Variants in ZIM2 observed in about 807,000 individuals in gnomAD.
ZIM2 encodes zinc finger protein 656.
In ZIM2, 14 loss-of-function variants were observed where a neutral mutation model predicts 38.6. That is an observed-to-expected ratio of 0.36 (90% CI 0.24 to 0.57). The LOEUF (loss-of-function observed/expected upper bound fraction) is 0.57, where lower values mean the gene tolerates loss of function less well. ZIM2 is among the 20% of genes least tolerant of loss of function. ZIM2 has a pLI of 0.81. For synonymous variants in ZIM2, 247 were observed against 245.8 expected (o/e 1.00, Z -0.04); for missense variants, 680 against 695.1 (o/e 0.98, Z 0.24).
chr19:56,815,336 A>G, intron 9 of ZIM2: 1 of 1,614,156 alleles, frequency 6.2e-7, no homozygotes. Flanking sequence ...AATTGTCTGA[A>G]GTCCTTACAT....
At chr19:56,794,022 A>T (rs1280722154) in intron 9 of ZIM2, among the ~76,000 whole-genome samples, 1 of 152,186 alleles carries the variant, frequency 6.6e-6, no homozygotes, top group Non-Finnish European at 1.5e-5. Flanking sequence ...TGAGCTACAC[A>T]TTTGTGGTTT....
intron 4 of ZIM2, among the ~76,000 whole-genome samples, chr19:56,823,940 C>T (rs1362841578): frequency 6.6e-6 from 1 of 152,086 alleles, no homozygotes; most frequent in Non-Finnish European, 1.5e-5. Flanking sequence ...CCTAGCACAC[C>T]ACACCAAAAA....
At chr19:56,778,245 C>T (rs1032092885) in intron 12 of ZIM2, among the ~76,000 whole-genome samples, 1 of 152,272 alleles carries the variant, frequency 6.6e-6, no homozygotes, top group East Asian at 1.9e-4. Flanking sequence ...ATCTGGCCCA[C>T]CACAGAAGCC....
At chr19:56,792,685 G>GTTGAAAAAC in intron 9 of ZIM2, among the ~76,000 whole-genome samples, 1 of 152,008 alleles carries the variant, frequency 6.6e-6, no homozygotes, top group Non-Finnish European at 1.5e-5. Context: ...GAGGGCAAAG[G>GTTGAAAAAC]TTGAAAAACT....
chr19:56,811,842 T>C, intron 9 of ZIM2: 3 of 985,580 alleles, frequency 3.0e-6, no homozygotes, highest in Non-Finnish European at 3.6e-6. Context: ...AAACCTGGCC[T>C]TCTACAGTTC....
chr19:56,819,953 C>CA (rs1269065515), intron 7 of ZIM2, among the ~76,000 whole-genome samples: 1 of 152,052 alleles, frequency 6.6e-6, no homozygotes, highest in Non-Finnish European at 1.5e-5. Context: ...TGTCCTGCCA[C>CA]AAAAAAGCAG....
rs772779692 is a variant in ZIM2, at chr19:56,814,329, G to GGCTGCTGCT, written c.490+3408_490+3416dup. The GGCTGCTGCT allele has an allele frequency of 3.7e-6, 6 of 1,613,734 alleles. No homozygotes were observed. The South Asian group carries it at 5.5e-5, about 15-fold the overall frequency. The stretch of plus-strand genomic sequence containing the variant: ...CATGGACATTGGCTTCAACTTCCTG[G>GGCTGCTGCT]GCTGCTGCTGCTGCAGCTGCTGCTG... On this transcript the variant is annotated intron_variant, in intron 9 of 12. Coordinates refer to ENST00000629319, the MANE Select transcript of ZIM2 (RefSeq NM_001387356.1). The surrounding 1 kb of genome is among the most constrained non-coding windows in gnomAD (Gnocchi z 5.8).
At chr19:56,779,352 C>T (rs758647799) in intron 12 of ZIM2, 25 bp downstream of exon 12, 73 of 1,611,326 alleles carry the variant, frequency 4.5e-5, no homozygotes, top group Non-Finnish European at 5.7e-5. Flanking sequence ...CCTCCTACAC[C>T]CCGGGCTTCC....
rs1440940813 is a variant in ZIM2, at chr19:56,817,056, A to G, written c.490+690T>C. The G allele has an allele frequency of 2.5e-6, 4 of 1,614,034 alleles. No homozygotes were observed. The African/African-American group carries it at 5.3e-5, about 22-fold the overall frequency. On this transcript the variant is annotated intron_variant, in intron 9 of 12. Transcript: ENST00000629319. ...GGTGCTCAACAAATTCTGAGATGAC[A>G]CTGAACGACCTCCCACACTCATCAC...
In ZIM2 at chr19:56,824,272, G is replaced by A. The variant is rs371100259; in HGVS notation, c.6C>T (p.Tyr2=). 55 of 1,613,854 alleles carry A rather than the reference G, an allele frequency of 3.4e-5. No individual in the cohort carries two copies. The African/African-American group carries it at 6.8e-4, about 20-fold the overall frequency. Reference sequence around the variant, plus strand: ...CGTGGAGACTCTCACCTTCTGGTTGGTACATCTCCTTGTAATTCTCCAGCA... The same window carrying A: ...CGTGGAGACTCTCACCTTCTGGTTGATACATCTCCTTGTAATTCTCCAGCA... M[Y]QPEDDNNSDV... The change falls in exon 4 of 13, where the codon TAC becomes TAT. Residue 2 remains tyrosine, a synonymous_variant. Coordinates refer to ENST00000629319, the MANE Select transcript of ZIM2 (RefSeq NM_001387356.1).
chr19:56,823,646 T>G lies in ZIM2; in HGVS notation c.50A>C (p.Asp17Ala). 1 of 1,614,150 alleles carries G rather than the reference T, an allele frequency of 6.2e-7. No individual in the cohort carries two copies. The highest frequency in any genetic ancestry group is 8.5e-7 in the Non-Finnish European group (1 of 1,180,026). Reference sequence around the variant, plus strand: ...GGACTCTCTTCTGTTCCGGGTCATGTCGTCGTCGCTGGTCACGTCACTGTT... The same window carrying G: ...GGACTCTCTTCTGTTCCGGGTCATGGCGTCGTCGCTGGTCACGTCACTGTT... ...DNNSDVTSDDDMTRNRRESSP... is the reference protein window; with the variant it reads ...DNNSDVTSDDAMTRNRRESSP... Residue 17 changes from aspartate to alanine, a missense_variant, in exon 5 of 13, where the codon GAC (aspartate) becomes GCC (alanine). Coordinates refer to ENST00000629319, the MANE Select transcript of ZIM2 (RefSeq NM_001387356.1).
chr19:56,807,600 G>C (rs1196586301), intron 9 of ZIM2, among the ~76,000 whole-genome samples: 2 of 152,088 alleles, frequency 1.3e-5, no homozygotes, highest in Non-Finnish European at 2.9e-5. Flanking sequence ...CTTGAGCCCT[G>C]GGCACCATAT....
intron 2 of ZIM2, among the ~76,000 whole-genome samples, chr19:56,830,382 A>G (rs527473278): frequency 1.3e-5 from 2 of 152,368 alleles, no homozygotes; most frequent in African/African-American, 4.8e-5. Flanking sequence ...TTTCAAGTTA[A>G]AAAACATTTG....
intron 9 of ZIM2, among the ~76,000 whole-genome samples, chr19:56,800,678 G>T (rs2047476610): frequency 1.3e-5 from 2 of 152,004 alleles, no homozygotes; most frequent in Non-Finnish European, 2.9e-5. Flanking sequence ...TTTTATATAA[G>T]AAAAGGATTT....
intron 9 of ZIM2, among the ~76,000 whole-genome samples, chr19:56,795,790 G>A (rs1184094309): frequency 1.3e-5 from 2 of 152,166 alleles, no homozygotes; most frequent in Admixed American, 6.5e-5. Context: ...ACAGTGAGCC[G>A]AGATCGCGCC....
chr19:56,775,175 T>C lies in ZIM2; in HGVS notation c.1190A>G (p.Tyr397Cys), dbSNP rs781536484. ...YECKQCAEAF[Y>C]LMPHLNRHQK... ...ATGTCTGTTGAGGTGTGGCATGAGATAGAAGGCTTCAGCACACTGTTTACA... is the reference window on the plus strand; with the variant it reads ...ATGTCTGTTGAGGTGTGGCATGAGACAGAAGGCTTCAGCACACTGTTTACA... The change falls in exon 13 of 13, where the codon TAT (tyrosine) becomes TGT (cysteine). Residue 397 changes from tyrosine (Y) to cysteine (C), a missense_variant. Tyr to Cys is a radical substitution (Grantham distance 194). Transcript: ENST00000629319. 6.2e-7 allele frequency: 1 copy of C among 1,614,166 alleles called. No homozygotes were observed. Among genetic ancestry groups the C allele is most frequent in the African/African-American group, 1.3e-5 (1 of 75,036 alleles).
rs746835383 is a variant in ZIM2 at position 56,818,600 on chromosome 19, C to G, written c.397G>C (p.Gly133Arg). Residue 133 changes from glycine (G) to arginine (R), a missense_variant and splice_region_variant, in exon 8 of 13, where the codon GGA (glycine) becomes CGA (arginine). By Grantham distance (125) the Gly-to-Arg change is moderately radical. Coordinates refer to ENST00000629319, the MANE Select transcript of ZIM2 (RefSeq NM_001387356.1). ...GTGACTGAGAGAAGCAGCTGCTTAC[C>G]GAGGGAGAGCAGCTTCCTGTAGTTT... ...MENYRKLLSLGVQLAEDDGHS... is the reference protein window; with the variant it reads ...MENYRKLLSLRVQLAEDDGHS... The G allele has an allele frequency of 6.2e-7, 1 of 1,613,940 alleles. No individual in the cohort carries two copies. The highest frequency in any genetic ancestry group is 8.5e-7 in the Non-Finnish European group (1 of 1,180,016).
chr19:56,818,436 A>G (rs747553062), intron 8 of ZIM2, among the ~76,000 whole-genome samples, 164 bp downstream of exon 8: 7 of 152,174 alleles, frequency 4.6e-5, no homozygotes, highest in African/African-American at 7.2e-5. Context: ...TAAAAACACA[A>G]ATTTTATCAT....
chr19:56,823,769 A>G (rs1601073872), intron 4 of ZIM2, 90 bp from the exon 5 acceptor site: 2 of 1,434,900 alleles, frequency 1.4e-6, no homozygotes, highest in Non-Finnish European at 2.0e-6. Flanking sequence ...TCCCTGTCAC[A>G]GACACACATG....
Sources: allele counts gnomAD v4.1 joint callset (sites outside exome capture counted in the v4.1 genomes callset), GRCh38; gene constraint gnomAD v4.1.1; non-coding constraint Gnocchi (gnomAD v3.1); transcripts MANE v1.5; gene names NCBI Gene and HGNC (gene_info 2026-07-23, HGNC 2026-07-21).